KSR2: variants seen among roughly 807,000 people sequenced by gnomAD.
The protein encoded by KSR2 is kinase suppressor of ras 2.
Under a neutral mutation model 107.8 loss-of-function variants are expected in KSR2, and 25 were observed. That is an observed-to-expected ratio of 0.23 (90% confidence interval 0.17 to 0.32). The LOEUF is 0.32. KSR2 is among the 10% of genes least tolerant of loss of function. KSR2 has a pLI of 1.00. For synonymous variants in KSR2, 480 were observed against 507.0 expected (o/e 0.95, Z 0.71); for missense variants, 887 against 1,268.9 (o/e 0.70, Z 4.57).
chr12:117,686,074 G>A (rs1472210747), intron 4 of KSR2, among the ~76,000 whole-genome samples: 1 of 151,658 alleles, frequency 6.6e-6, no homozygotes. Context: ...TTTGAAACAG[G>A]GTCTTGTTCT....
intron 1 of KSR2, among the ~76,000 whole-genome samples, chr12:117,879,587 C>T (rs941361212): frequency 6.6e-6 from 1 of 152,166 alleles, no homozygotes; most frequent in Non-Finnish European, 1.5e-5. Flanking sequence ...TGTGGTGGCA[C>T]ACACCTGTAG....
intron 14 of KSR2, among the ~76,000 whole-genome samples, chr12:117,509,284 C>G: frequency 6.6e-6 from 1 of 152,160 alleles, no homozygotes; most frequent in East Asian, 1.9e-4. Context: ...CCCCTTCCCT[C>G]TTTGCATTCA....
chr12:117,510,190 G>T (rs1362097286), intron 14 of KSR2, among the ~76,000 whole-genome samples: 2 of 152,186 alleles, frequency 1.3e-5, no homozygotes, highest in African/African-American at 4.8e-5. Flanking sequence ...AATACCAAAA[G>T]CACCAAGCCC....
At chr12:117,906,307 C>T (rs914296632) in intron 1 of KSR2, among the ~76,000 whole-genome samples, 4 of 136,886 alleles carry the variant, frequency 2.9e-5, no homozygotes, top group Non-Finnish European at 4.5e-5. Context: ...GAGCCGAGAT[C>T]GGGCCATTGC....
chr12:117,539,457 G>A lies in KSR2; in HGVS notation c.1687+262C>T, dbSNP rs1592971318. The stretch of plus-strand genomic sequence containing the variant: ...TCTCTAAGAGTTCCTGCACCTCTTT[G>A]AGCCTCTGTTTCTTCATCTGTAAAA... On this transcript the variant is annotated intron_variant, in intron 10 of 19. Transcript: ENST00000339824. The A allele has an allele frequency of 1.2e-5, 5 of 433,768 alleles. No individual in the cohort carries two copies. The East Asian group carries it at 1.6e-4, about 14-fold the overall frequency. The allele number at this position is 433,768 out of a possible 1,614,324, so 26.9% of individuals were successfully genotyped here.
intron 9 of KSR2, among the ~76,000 whole-genome samples, chr12:117,547,983 G>A (rs1267355950): frequency 2.0e-5 from 3 of 152,074 alleles, no homozygotes; most frequent in Non-Finnish European, 4.4e-5. Flanking sequence ...TGTAGTCCCA[G>A]CTATCTGGGA....
intron 5 of KSR2, among the ~76,000 whole-genome samples, chr12:117,645,514 T>C (rs1883575993): frequency 6.6e-6 from 1 of 152,210 alleles, no homozygotes; most frequent in South Asian, 2.1e-4. Flanking sequence ...AATCATCTCC[T>C]CACTATAGAC....
intron 4 of KSR2, among the ~76,000 whole-genome samples, chr12:117,697,261 T>C (rs547668888): frequency 6.6e-6 from 1 of 152,318 alleles, no homozygotes; most frequent in Non-Finnish European, 1.5e-5. Context: ...ATTTTAAAAA[T>C]GTTAAAACAG....
At chr12:117,805,014 G>T (rs1326394802) in intron 3 of KSR2, among the ~76,000 whole-genome samples, 1 of 152,166 alleles carries the variant, frequency 6.6e-6, no homozygotes, top group African/African-American at 2.4e-5. Context: ...TCTAAGTAGG[G>T]TGACCAACCA....
At chr12:117,722,654 A>G (rs146292601) in intron 4 of KSR2, among the ~76,000 whole-genome samples, 10 of 152,346 alleles carry the variant, frequency 6.6e-5, no homozygotes, top group African/African-American at 2.4e-4. Context: ...TTTAGCATGT[A>G]ATCAAGAAAT....
chr12:117,887,149 C>A (rs981627765), intron 1 of KSR2, among the ~76,000 whole-genome samples: 2 of 152,152 alleles, frequency 1.3e-5, no homozygotes, highest in Non-Finnish European at 2.9e-5. Context: ...GTCTCGAACT[C>A]CTGGGCTCAA....
intron 14 of KSR2, among the ~76,000 whole-genome samples, chr12:117,488,491 T>C (rs905266864): frequency 1.3e-5 from 2 of 151,822 alleles, no homozygotes; most frequent in East Asian, 3.9e-4. Context: ...CTTTGGAAGA[T>C]AATTAAGTCA....
chr12:117,609,658 C>A (rs148585090), intron 5 of KSR2, among the ~76,000 whole-genome samples: 280 of 152,294 alleles, frequency 1.8e-3, no homozygotes, highest in African/African-American at 6.5e-3. Context: ...ACAACAATGG[C>A]AGAGTTGAGT....
intron 4 of KSR2, among the ~76,000 whole-genome samples, chr12:117,678,439 G>T (rs535020284): frequency 2.0e-5 from 3 of 152,130 alleles, no homozygotes; most frequent in Admixed American, 6.5e-5. Flanking sequence ...CTCTGGGTGA[G>T]ACCTACATGG....
chr12:117,732,414 G>A (rs940218597), intron 4 of KSR2, among the ~76,000 whole-genome samples: 7 of 151,778 alleles, frequency 4.6e-5, no homozygotes, highest in Non-Finnish European at 7.4e-5. Context: ...TCAGCCTCCC[G>A]AGTAGCTGGG....
intron 14 of KSR2, among the ~76,000 whole-genome samples, chr12:117,514,852 C>G (rs185084760): frequency 8.5e-5 from 13 of 152,078 alleles, no homozygotes; most frequent in Middle Eastern, 3.4e-3. Context: ...CCGGTCAGAT[C>G]TCTCTAGTTT....
intron 1 of KSR2, among the ~76,000 whole-genome samples, chr12:117,939,690 C>A (rs540906118): frequency 6.6e-6 from 1 of 151,660 alleles, no homozygotes; most frequent in African/African-American, 2.4e-5. Flanking sequence ...CCAGCCTGGG[C>A]GACAGTGCAA....
In KSR2 at chr12:117,563,196, C is replaced by T. The variant is rs138550737; in HGVS notation, c.1326-4623G>A. Among the ~76,000 whole-genome samples the T allele has an allele frequency of 2.9e-3, 440 of 152,280 alleles. 3 individuals carry two copies. Among genetic ancestry groups the T allele is most frequent in the African/African-American group, 0.01 (417 of 41,570 alleles). On this transcript the variant is annotated intron_variant, in intron 7 of 19. Coordinates refer to ENST00000339824, the MANE Select transcript of KSR2 (RefSeq NM_173598.6). ...CCTGCTTCAAAATTAGATTCCCAGG[C>T]CTCACTCTCCAAGGTCCTGATTGGG...
At chr12:117,752,300 A>G (rs1489172473) in intron 4 of KSR2, among the ~76,000 whole-genome samples, 1 of 152,240 alleles carries the variant, frequency 6.6e-6, no homozygotes, top group African/African-American at 2.4e-5. Flanking sequence ...CTCACAAACT[A>G]CACACGTCTG....
Sources: allele counts gnomAD v4.1 joint callset (sites outside exome capture counted in the v4.1 genomes callset), GRCh38; gene constraint gnomAD v4.1.1; transcripts MANE v1.5; gene names NCBI Gene and HGNC (gene_info 2026-07-23, HGNC 2026-07-21).